Variants in INSC observed in about 807,000 individuals in gnomAD.
INSC encodes INSC spindle orientation adaptor protein.
INSC carries 67 observed loss-of-function variants against 58.6 expected under a neutral mutation model. That is an observed-to-expected ratio of 1.14 (90% CI 0.94 to 1.40). The LOEUF (loss-of-function observed/expected upper bound fraction) is 1.40, where lower values mean the gene tolerates loss of function less well. Among genes scored for constraint, INSC ranks in the 40% most tolerant of loss-of-function variants. INSC has a pLI of 0.00. For synonymous variants in INSC, 262 were observed against 276.1 expected, an observed-to-expected ratio of 0.95 and a Z score of 0.51; for missense variants, 714 against 692.0, an observed-to-expected ratio of 1.03 and a Z score of -0.36.
At chr11:15,267,109 A>T in the INSC span, among the ~76,000 whole-genome samples, 1 of 151,976 alleles carries the variant, frequency 6.6e-6, no homozygotes, top group African/African-American at 2.4e-5. Flanking sequence ...TATTTCTTGC[A>T]GGATGTAAAA....
the INSC span, among the ~76,000 whole-genome samples, chr11:15,257,000 T>C: frequency 6.6e-6 from 1 of 152,204 alleles, no homozygotes; most frequent in Non-Finnish European, 1.5e-5. Context: ...ATTTTAAAGT[T>C]TCTTTATCAA....
the INSC span, among the ~76,000 whole-genome samples, chr11:15,261,578 A>G: frequency 1.3e-5 from 2 of 152,204 alleles, no homozygotes; most frequent in Non-Finnish European, 2.9e-5. Flanking sequence ...ATAGAGGCTT[A>G]GGGAAGTTAG....
intron 2 of INSC, 66 bp downstream of exon 2, chr11:15,149,296 C>T (rs1848576993): frequency 2.9e-6 from 4 of 1,388,810 alleles, no homozygotes; most frequent in African/African-American, 1.5e-5. Context: ...AGGCCCAGTT[C>T]CAGCATCCTG....
At chr11:15,179,539 T>A (rs1849687599) in intron 5 of INSC, among the ~76,000 whole-genome samples, 1 of 152,190 alleles carries the variant, frequency 6.6e-6, no homozygotes, top group African/African-American at 2.4e-5. Context: ...TTGACTGACA[T>A]GCTGGTCCTG....
rs1564916712 is a variant in INSC at position 15,229,943 on chromosome 11, T to A, written c.1170+4115T>A. On this transcript the variant is annotated intron_variant, in intron 9 of 12. Coordinates refer to ENST00000379556, the MANE Select transcript of INSC (RefSeq NM_001042536.3). ...AAATTTTTTATATATTATATATATA[T>A]AATATTATATATATATTTATATATA... is the stretch of plus-strand genomic sequence containing the variant. 5.9e-4 allele frequency among the ~76,000 whole-genome samples: 3 copies of A among 5,114 alleles called. 1 individual carries two copies. Among genetic ancestry groups the A allele is most frequent in the African/African-American group, 1.1e-3 (3 of 2,776 alleles). 3.4% of individuals were successfully genotyped at this position (5,114 alleles called of 152,430 possible).
chr11:15,239,356 T>C (rs1057051372), intron 11 of INSC, among the ~76,000 whole-genome samples: 2 of 152,216 alleles, frequency 1.3e-5, no homozygotes, highest in Non-Finnish European at 2.9e-5. Context: ...CATTCACTCA[T>C]TCATTTATTC....
the INSC span, among the ~76,000 whole-genome samples, chr11:15,268,863 CTA>C: frequency 6.6e-6 from 1 of 152,130 alleles, no homozygotes; most frequent in African/African-American, 2.4e-5. Context: ...TATATGGATA[CTA>C]TAGCAGTTTT....
intron 5 of INSC, among the ~76,000 whole-genome samples, chr11:15,178,790 T>C (rs972456129): frequency 2.0e-5 from 3 of 152,178 alleles, no homozygotes; most frequent in African/African-American, 7.2e-5. Flanking sequence ...AGAGCCTGTG[T>C]CCTGAAGATA....
chr11:15,245,307 A>T (rs1040322977), intron 12 of INSC, among the ~76,000 whole-genome samples: 6 of 152,150 alleles, frequency 3.9e-5, no homozygotes, highest in African/African-American at 1.4e-4. Flanking sequence ...ATGAGCAAGG[A>T]GGAGGGGGTA....
chr11:15,243,621 G>A (rs988121312), intron 12 of INSC, among the ~76,000 whole-genome samples: 1 of 152,166 alleles, frequency 6.6e-6, no homozygotes, highest in South Asian at 2.1e-4. Context: ...GACTTTCTGG[G>A]GGCCCTGGGG....
rs534650822 is a variant in INSC at position 15,188,080 on chromosome 11, C to T, written c.580-2621C>T. On this transcript the variant is annotated intron_variant, in intron 5 of 12. Transcript: ENST00000379556. ...GCCAAAGTCCCCTGTTTGAGGAGTC[C>T]CCTGTCCCACAGTCATGCTGTGCTC... The T allele has an allele frequency of 2.6e-5, 16 of 606,318 alleles. No individual in the cohort carries two copies. The East Asian group carries it at 2.0e-3, about 75-fold the overall frequency. The allele number at this position is 606,318 out of a possible 1,614,324, so 37.6% of individuals were successfully genotyped here. A position where few individuals can be genotyped will look rare whatever the true frequency, so the allele number is the denominator to read the frequency against.
rs186233971 is a variant in INSC, at chr11:15,129,118, A to G, written c.-46+14115A>G. On this transcript the variant is annotated intron_variant, in intron 1 of 12. Transcript: ENST00000379556. The stretch of plus-strand genomic sequence containing the variant: ...TCCCCTCACATACCAGTCAAGAACG[A>G]CTGGACATTTTCTGCCTCCCCAACC... Among the ~76,000 whole-genome samples, 189 of 152,276 alleles carry G rather than the reference A, an allele frequency of 1.2e-3. 1 individual carries two copies. Among genetic ancestry groups the G allele is most frequent in the Non-Finnish European group, 2.4e-3 (165 of 68,024 alleles).
chr11:15,250,242 C>G (rs1487397935), downstream of INSC, among the ~76,000 whole-genome samples: 1 of 152,190 alleles, frequency 6.6e-6, no homozygotes, highest in Non-Finnish European at 1.5e-5. Flanking sequence ...TACCACTTTA[C>G]TGTTGTTGAC....
intron 12 of INSC, among the ~76,000 whole-genome samples, chr11:15,243,097 T>C (rs904961908): frequency 1.3e-5 from 2 of 152,160 alleles, no homozygotes; most frequent in East Asian, 1.9e-4. Flanking sequence ...TTGGTGACTA[T>C]GTATTAATTG....
At position 15,239,061 on chromosome 11, in the gene INSC, C is replaced by T. The variant is rs764378797; in HGVS notation, c.1380C>T (p.Ala460=). The change falls in exon 11 of 13, where the codon GCC becomes GCT. Residue 460 remains alanine (A), a synonymous_variant. Transcript: ENST00000379556. The part of the protein sequence containing the change: ...LSRDPDVARE[A]VRLSCMSRLI... ...GAGACCCAGATGTGGCACGGGAGGC[C>T]GTGCGGCTCAGCTGTGAGTGGTGCT... 1.4e-5 allele frequency: 22 copies of T among 1,612,890 alleles called. No individual in the cohort carries two copies. The highest frequency in any genetic ancestry group is 5.3e-5 in the African/African-American group (4 of 74,912).
Position 15,116,845 on chromosome 11 carries a change from C to CTTTA in INSC, c.-46+1845_-46+1846insATTT, listed in dbSNP as rs1282249724. Among the ~76,000 whole-genome samples, 167 of 42,780 alleles carry CTTTA rather than the reference C, an allele frequency of 3.9e-3. 1 individual carries two copies. Among genetic ancestry groups the CTTTA allele is most frequent in the Middle Eastern group, 0.031 (3 of 98 alleles). The allele number at this position is 42,780 out of a possible 152,430, so 28.1% of individuals were successfully genotyped here. On this transcript the variant is annotated intron_variant, in intron 1 of 12. Coordinates refer to ENST00000379556, the MANE Select transcript of INSC (RefSeq NM_001042536.3). ...TCTTTCTTTCTTTCTTTCTTTCTTT[C>CTTTA]TTTCTCTCTCTCTCTCTCTCTCTCT...
At chr11:15,265,344 A>G in the INSC span, among the ~76,000 whole-genome samples, 4 of 152,098 alleles carry the variant, frequency 2.6e-5, no homozygotes, top group Non-Finnish European at 5.9e-5. Context: ...TATCTTCTTA[A>G]TAAAAGTTAT....
At chr11:15,252,767 T>C in the INSC span, among the ~76,000 whole-genome samples, 11 of 152,320 alleles carry the variant, frequency 7.2e-5, no homozygotes, top group East Asian at 1.9e-3. Context: ...GGATGAATTA[T>C]CAAAGAATTT....
intron 2 of INSC, among the ~76,000 whole-genome samples, chr11:15,166,089 C>T (rs1355773808): frequency 6.6e-6 from 1 of 152,086 alleles, no homozygotes; most frequent in African/African-American, 2.4e-5. Context: ...TTAAGTTGAC[C>T]AGGGATTGCC....
Sources: allele counts gnomAD v4.1 joint callset (sites outside exome capture counted in the v4.1 genomes callset), GRCh38; gene constraint gnomAD v4.1.1; transcripts MANE v1.5; gene names NCBI Gene and HGNC (gene_info 2026-07-23, HGNC 2026-07-21).